DYNC1H1: variants seen among roughly 807,000 people sequenced by gnomAD.
DYNC1H1 encodes the protein cytoplasmic dynein 1 heavy chain 1.
In DYNC1H1, 51 loss-of-function variants were observed where a neutral mutation model predicts 527.1. That is an observed-to-expected ratio of 0.10 (90% CI 0.08 to 0.12). The LOEUF (loss-of-function observed/expected upper bound fraction) is 0.12. Among genes scored for constraint, DYNC1H1 ranks in the 10% least tolerant of loss-of-function variants. The pLI, the probability that DYNC1H1 is intolerant of heterozygous loss-of-function variation, is 1.00. For synonymous variants in DYNC1H1, 2,189 were observed against 2,278.8 expected (o/e 0.96, Z 1.12); for missense variants, 2,771 against 5,971.8 (o/e 0.46, Z 17.66).
chr14:102,036,662 T>C lies in DYNC1H1; in HGVS notation c.10908+20T>C, dbSNP rs1379197118. ...GTCCAGGTTGGTGTTGGCCTTTGAA[T>C]TCTTGAAACACTGCATTCAAGAGTG... On this transcript the variant is annotated intron_variant, in intron 57 of 77. Transcript: ENST00000360184. The surrounding 1 kb of genome is among the most constrained non-coding windows in gnomAD (Gnocchi z 5.6). 1.2e-6 allele frequency: 2 copies of C among 1,613,926 alleles called. No homozygotes were observed. Among genetic ancestry groups the C allele is most frequent in the Non-Finnish European group, 1.7e-6 (2 of 1,179,944 alleles).
chr14:102,014,496 T>G (rs1176947018), intron 34 of DYNC1H1, among the ~76,000 whole-genome samples: 1 of 151,232 alleles, frequency 6.6e-6, no homozygotes, highest in African/African-American at 2.4e-5. Flanking sequence ...CGCCATTGCA[T>G]TCGAGCCTGG....
At chr14:101,989,428 C>T (rs1247760834) in intron 10 of DYNC1H1, among the ~76,000 whole-genome samples, 1 of 152,204 alleles carries the variant, frequency 6.6e-6, no homozygotes, top group South Asian at 2.1e-4. Context: ...CCATCTCTTT[C>T]GCATTTGTGT....
At chr14:102,025,172 C>T (rs1279321490) in intron 43 of DYNC1H1, among the ~76,000 whole-genome samples, 2 of 151,710 alleles carry the variant, frequency 1.3e-5, no homozygotes, top group Admixed American at 6.6e-5. Context: ...CCCGTCTCGC[C>T]GAGGCAGGTG....
rs2048770904 is a variant in DYNC1H1 at position 102,049,270 on chromosome 14, G to T, written c.13373-170G>T. 3.5e-6 allele frequency: 3 copies of T among 865,614 alleles called. No individual in the cohort carries two copies. Among genetic ancestry groups the T allele is most frequent in the Non-Finnish European group, 5.5e-6 (3 of 545,350 alleles). The allele number at this position is 865,614 out of a possible 1,614,324, so 53.6% of individuals were successfully genotyped here. ...TGGACCAGCCTGAGCTAGAGCAGAT[G>T]TGGTGAGGGCGGCGCCAGGGGCATA... On this transcript the variant is annotated intron_variant, in intron 74 of 77. Transcript: ENST00000360184. The surrounding 1 kb of genome is among the most constrained non-coding windows in gnomAD (Gnocchi z 5.5).
chr14:102,017,885 T>A lies in DYNC1H1; in HGVS notation c.8177+381T>A, dbSNP rs185995639. On this transcript the variant is annotated intron_variant, in intron 40 of 77. Transcript: ENST00000360184. This position sits in a 1 kb window ranked among gnomAD's most constrained non-coding sequence, Gnocchi z 4.6. ...ACTTTGGGAGGCCGAAGCGGGCAGA[T>A]CACGAGGTCAGGAGGTTGAGGCCAT... 2.1e-5 allele frequency: 7 copies of A among 337,734 alleles called. No individual in the cohort carries two copies. Among genetic ancestry groups the A allele is most frequent in the African/African-American group, 1.3e-4 (6 of 46,784 alleles). The allele number at this position is 337,734 out of a possible 1,614,324, so 20.9% of individuals were successfully genotyped here.
Position 102,047,812 on chromosome 14 carries a change from C to A in DYNC1H1, c.13007-5C>A. ...TCCTGCTGCGACTGTGGGACTGTGG[C>A]CCAGGTGTGGACATGATCAGTAAAA... is the stretch of plus-strand genomic sequence containing the variant. On this transcript the variant is annotated splice_polypyrimidine_tract_variant and splice_region_variant and intron_variant, in intron 72 of 77. Transcript: ENST00000360184. The A allele has an allele frequency of 6.2e-7, 1 of 1,612,994 alleles. No individual in the cohort carries two copies. Among genetic ancestry groups the A allele is most frequent in the Non-Finnish European group, 8.5e-7 (1 of 1,179,964 alleles).
intron 73 of DYNC1H1, chr14:102,048,232 G>A (rs1879762788): frequency 2.6e-6 from 2 of 754,814 alleles, no homozygotes; most frequent in Non-Finnish European, 4.3e-6. Context: ...AAACACCCTA[G>A]AAGATTGTGA....
Position 102,051,611 on chromosome 14 carries a change from CTG to C in DYNC1H1, c.*1050_*1051del, listed in dbSNP as rs973616899. Reference sequence around the variant, plus strand: ...TGATGACAGTGGCCCATACAGCTGACTGTTTGCATCTCACGTTCACATTGCTA... The same window carrying C: ...TGATGACAGTGGCCCATACAGCTGACTTTGCATCTCACGTTCACATTGCTA... On this transcript the variant is annotated 3_prime_UTR_variant, in exon 78 of 78. Transcript: ENST00000360184. 2.6e-5 allele frequency: 4 copies of C among 152,280 alleles called. No homozygotes were observed. Among genetic ancestry groups the C allele is most frequent in the African/African-American group, 9.7e-5 (4 of 41,442 alleles). The allele number at this position is 152,280 out of a possible 1,614,324, so 9.4% of individuals were successfully genotyped here.
Position 102,042,848 on chromosome 14 carries a change from TGTG to T in DYNC1H1, c.12513+104_12513+106del. The T allele has an allele frequency of 7.5e-7, 1 of 1,324,582 alleles. No individual in the cohort carries two copies. The highest frequency in any genetic ancestry group is 1.1e-6 in the Non-Finnish European group (1 of 939,550). 82.1% of individuals were successfully genotyped at this position (1,324,582 alleles called of 1,614,324 possible). ...GGTCCCTGGGCCCCCGGAAGTGCCG[TGTG>T]GTGAACTGCACAGCTGCTTTTGCTT... On this transcript the variant is annotated intron_variant, in intron 69 of 77. Coordinates refer to ENST00000360184, the MANE Select transcript of DYNC1H1 (RefSeq NM_001376.5). The surrounding 1 kb of genome is among the most constrained non-coding windows in gnomAD (Gnocchi z 5.7).
At position 102,034,200 on chromosome 14, in the gene DYNC1H1, G is replaced by T. The variant is rs751897147; in HGVS notation, c.10626+12G>T. On this transcript the variant is annotated intron_variant, in intron 55 of 77. Coordinates refer to ENST00000360184, the MANE Select transcript of DYNC1H1 (RefSeq NM_001376.5). The stretch of plus-strand genomic sequence containing the variant: ...AAGCCAACATCCAGGTGAGAATCAC[G>T]GGGAGTTCAAAAAGGATGTGCGAGC... 1 of 1,614,158 alleles carries T rather than the reference G, an allele frequency of 6.2e-7. No individual in the cohort carries two copies. The highest frequency in any genetic ancestry group is 1.7e-5 in the Admixed American group (1 of 60,016).
At chr14:102,048,379 C>A in intron 73 of DYNC1H1, 137 bp from the exon 74 acceptor site, 1 of 1,235,216 alleles carries the variant, frequency 8.1e-7, no homozygotes, top group Non-Finnish European at 1.1e-6. Context: ...AAGTCACGCT[C>A]TGCCAAAGCT....
chr14:101,987,757 C>A, intron 9 of DYNC1H1, 125 bp downstream of exon 9: 1 of 1,143,440 alleles, frequency 8.7e-7, no homozygotes, highest in Non-Finnish European at 1.3e-6. Flanking sequence ...AATTCCCCTC[C>A]AAAATCTCAT....
At chr14:102,000,573 CTTTT>C (rs11381677) in intron 18 of DYNC1H1, 174 bp downstream of exon 18, 544 of 418,284 alleles carry the variant, frequency 1.3e-3, no homozygotes, top group East Asian at 2.7e-3. Context: ...ATTTTGAAAC[CTTTT>C]TTTTTTTTTT....
rs2048632590 is a variant in DYNC1H1 at position 102,040,344 on chromosome 14, G to A, written c.11799G>A (p.Glu3933=). 1.2e-6 allele frequency: 2 copies of A among 1,614,102 alleles called. No homozygotes were observed. The highest frequency in any genetic ancestry group is 1.3e-5 in the African/African-American group (1 of 74,932). ...RIQGLTVEQA[E]AVVRLSCLPA... is the part of the protein sequence containing the mutation. ...AGGGCCTGACTGTGGAGCAGGCGGA[G>A]GCGGTGGTGAGGCTGAGCTGCCTTC... The change falls in exon 63 of 78, where the codon GAG becomes GAA. Residue 3933 remains glutamate, a synonymous_variant. Transcript: ENST00000360184.
At position 102,049,498 on chromosome 14, in the gene DYNC1H1, G is replaced by T. The variant is rs1395483626; in HGVS notation, c.13431G>T (p.Gln4477His). 2.5e-6 allele frequency: 4 copies of T among 1,614,102 alleles called. No homozygotes were observed. The Admixed American group carries it at 5.0e-5, about 20-fold the overall frequency. Residue 4477 changes from glutamine (Q) to histidine (H), a missense_variant, in exon 75 of 78, where the codon CAG (glutamine) becomes CAT (histidine). Gln to His is a conservative substitution (Grantham distance 24). This residue lies in a region of DYNC1H1 where 170 missense variants were observed against 249.8 expected (regional missense o/e 0.68). Coordinates refer to ENST00000360184, the MANE Select transcript of DYNC1H1 (RefSeq NM_001376.5). The surrounding 1 kb of genome is among the most constrained non-coding windows in gnomAD (Gnocchi z 5.5). ...TGCCTGCCGGCATGACCGTCATCCA[G>T]TGGGTGTCCGACTTCAGCGAGAGGA... Reference protein sequence around the residue: ...YTVPAGMTVIQWVSDFSERIK... With the variant: ...YTVPAGMTVIHWVSDFSERIK...
chr14:102,041,996 G>A lies in DYNC1H1; in HGVS notation c.12103-17G>A, dbSNP rs1452779410. Reference sequence around the variant, plus strand: ...ATTTGCTGGCACTGTAATAACTTCTGCCTTCTTTGTTTGCAGGTGAAGCCC... The same window carrying A: ...ATTTGCTGGCACTGTAATAACTTCTACCTTCTTTGTTTGCAGGTGAAGCCC... On this transcript the variant is annotated splice_polypyrimidine_tract_variant and intron_variant, in intron 65 of 77. Transcript: ENST00000360184. The surrounding 1 kb of genome is among the most constrained non-coding windows in gnomAD (Gnocchi z 4.5). 6.2e-6 allele frequency: 10 copies of A among 1,613,082 alleles called. No homozygotes were observed. The highest frequency in any genetic ancestry group is 6.8e-6 in the Non-Finnish European group (8 of 1,179,206).
Position 101,983,560 on chromosome 14 carries a change from G to A in DYNC1H1, c.1412G>A (p.Arg471His), listed in dbSNP as rs757619280. ...CTTGACCAGATGAGAAAATTTAGAC[G>A]CCAGCATGAACAGCTAAGAGCTGTT... is the stretch of plus-strand genomic sequence containing the variant. ...ARLDQMRKFR[R>H]QHEQLRAVIV... Residue 471 changes from arginine (R) to histidine (H), a missense_variant, in exon 7 of 78, where the codon CGC (arginine) becomes CAC (histidine). By Grantham distance (29) the Arg-to-His change is conservative. Coordinates refer to ENST00000360184, the MANE Select transcript of DYNC1H1 (RefSeq NM_001376.5). This position sits in a 1 kb window ranked among gnomAD's most constrained non-coding sequence, Gnocchi z 5.3. The A allele has an allele frequency of 3.1e-6, 5 of 1,614,036 alleles. No homozygotes were observed. Among genetic ancestry groups the A allele is most frequent in the East Asian group, 2.2e-5 (1 of 44,902 alleles).
rs760197091 is a variant in DYNC1H1, at chr14:102,042,070, C to T, written c.12160C>T (p.His4054Tyr). ...TGTGCCTGGTTATGATGCCAGTGGA[C>T]ATGTCGAGGACCTTGCAGCCGAGCA... is the stretch of plus-strand genomic sequence containing the variant. Reference protein sequence around the residue: ...CSVPGYDASGHVEDLAAEQNT... With the variant: ...CSVPGYDASGYVEDLAAEQNT... Residue 4054 changes from histidine to tyrosine, a missense_variant, in exon 66 of 78, where the codon CAT becomes TAT. By Grantham distance (83) the His-to-Tyr change is moderately conservative. Transcript: ENST00000360184. This position sits in a 1 kb window ranked among gnomAD's most constrained non-coding sequence, Gnocchi z 5.7. 6.2e-7 allele frequency: 1 copy of T among 1,614,116 alleles called. No individual in the cohort carries two copies. The highest frequency in any genetic ancestry group is 1.1e-5 in the South Asian group (1 of 91,078).
chr14:102,030,669 T>G (rs2152590585), intron 51 of DYNC1H1: 2 of 293,650 alleles, frequency 6.8e-6, no homozygotes, highest in South Asian at 6.7e-5. Flanking sequence ...TTTCTGAGTG[T>G]TCTAGCTATG....
Sources: gnomAD v4.1 joint callset for allele counts (sites outside exome capture counted in the v4.1 genomes callset) on GRCh38, gnomAD v4.1.1 for gene constraint, gnomAD v4.1.1 regional missense constraint, Gnocchi (gnomAD v3.1) non-coding constraint, MANE v1.5 for transcripts, NCBI Gene and HGNC (gene_info 2026-07-23, HGNC 2026-07-21) for gene names.